The following SLC22A16 variants were observed in gnomAD, a reference collection of about 807,000 sequenced individuals.
SLC22A16 encodes solute carrier family 22 member 16, also known as WUGSC:RG331P03.1.
In SLC22A16, 53 loss-of-function variants were observed where a neutral mutation model predicts 52.9. The ratio of observed to expected loss-of-function variants is 1.00; its 90% CI spans 0.80 to 1.26. SLC22A16 has a LOEUF of 1.26. SLC22A16 is among the 50% of genes most tolerant of loss of function. The pLI, the probability that SLC22A16 is intolerant of heterozygous loss-of-function variation, is 0.00. For synonymous variants in SLC22A16, 291 were observed against 268.8 expected, an observed-to-expected ratio of 1.08 and a Z score of -0.81; for missense variants, 726 against 704.0, an observed-to-expected ratio of 1.03 and a Z score of -0.35.
At position 110,438,795 on chromosome 6, in the gene SLC22A16, G is replaced by A. The variant is rs138030296; in HGVS notation, c.1236C>T (p.Val412=). 435 of 1,614,114 alleles carry A rather than the reference G, an allele frequency of 2.7e-4. 3 individuals carry two copies. In the Middle Eastern group the frequency reaches 3.3e-3, roughly 12 times the overall value. Residue 412 remains valine, a synonymous_variant, in exon 5 of 8, where the codon GTC becomes GTT. Transcript: ENST00000368919. ...AGTAGGCCAGGACTGTTCTCCTCCC[G>A]ACCTTGTCCATGGCGATGCACACGA... is the stretch of plus-strand genomic sequence containing the variant. ...YTFVCIAMDK[V]GRRTVLAYSL... is the part of the protein sequence containing the mutation.
chr6:110,439,056 T>C (rs930046202), intron 4 of SLC22A16, among the ~76,000 whole-genome samples: 1 of 152,214 alleles, frequency 6.6e-6, no homozygotes, highest in Non-Finnish European at 1.5e-5. Context: ...TGAAATGCTC[T>C]AATGCTCATA....
intron 1 of SLC22A16, among the ~76,000 whole-genome samples, chr6:110,473,491 C>CTTTTTTTTT (rs763478181): frequency 2.8e-5 from 2 of 71,970 alleles, no homozygotes; most frequent in African/African-American, 9.9e-5. Flanking sequence ...CCTGTTTTCC[C>CTTTTTTTTT]TTTTTTTTTT....
At chr6:110,435,467 T>C (rs997604002) in intron 6 of SLC22A16, among the ~76,000 whole-genome samples, 3 of 152,098 alleles carry the variant, frequency 2.0e-5, no homozygotes, top group Admixed American at 1.3e-4. Context: ...AGAAAATAAA[T>C]TTCTATTGTT....
intron 4 of SLC22A16, among the ~76,000 whole-genome samples, chr6:110,441,286 T>C (rs1254970837): frequency 1.3e-5 from 2 of 152,188 alleles, no homozygotes; most frequent in Non-Finnish European, 1.5e-5. Context: ...AAAATTAAAG[T>C]TGAGCAAACT....
Position 110,425,089 on chromosome 6 carries a change from G to A in SLC22A16, c.1522-4C>T. The A allele has an allele frequency of 6.2e-7, 1 of 1,613,704 alleles. No individual in the cohort carries two copies. The stretch of plus-strand genomic sequence containing the variant: ...GGGCCATAGTCCCAACAAACAACTA[G>A]AAGGAATTAAAAATAATGATAAGTG... On this transcript the variant is annotated splice_region_variant and splice_polypyrimidine_tract_variant and intron_variant, in intron 7 of 7. Transcript: ENST00000368919.
At chr6:110,430,233 C>T (rs537330616) in intron 7 of SLC22A16, among the ~76,000 whole-genome samples, 4 of 152,030 alleles carry the variant, frequency 2.6e-5, no homozygotes, top group African/African-American at 9.6e-5. Flanking sequence ...GAAGCCGATG[C>T]CACAGTGTCA....
chr6:110,437,571 T>C (rs1366404369), intron 5 of SLC22A16, among the ~76,000 whole-genome samples: 1 of 152,244 alleles, frequency 6.6e-6, no homozygotes, highest in African/African-American at 2.4e-5. Context: ...AGGAAGACAC[T>C]TGTTAGCTTA....
At chr6:110,472,383 C>T (rs1776289858) in intron 1 of SLC22A16, among the ~76,000 whole-genome samples, 1 of 152,152 alleles carries the variant, frequency 6.6e-6, no homozygotes, top group Non-Finnish European at 1.5e-5. Context: ...CTCGCTGCCC[C>T]TCCAATCCAC....
chr6:110,462,429 A>G (rs1044351842), intron 1 of SLC22A16, among the ~76,000 whole-genome samples: 14 of 152,216 alleles, frequency 9.2e-5, no homozygotes, highest in African/African-American at 3.4e-4. Context: ...GATGCAAAAG[A>G]AAGCTGAAAA....
At chr6:110,447,819 G>A (rs564330019) in intron 2 of SLC22A16, among the ~76,000 whole-genome samples, 31 of 152,246 alleles carry the variant, frequency 2.0e-4, no homozygotes, top group African/African-American at 4.3e-4. Flanking sequence ...CTTCTTCTGC[G>A]TTGTAGCATG....
chr6:110,442,449 T>C lies in SLC22A16; in HGVS notation c.978A>G (p.Leu326=). ...TAACAGGACCTTGTAGGTCCAGTGA[T>C]AAAAGTTCTGACAGTTTACAGGAGC... is the stretch of plus-strand genomic sequence containing the variant. ...RASSCKLSEL[L]SLDLQGPVSN... Residue 326 remains leucine (L), a synonymous_variant, in exon 4 of 8, where the codon TTA becomes TTG. Transcript: ENST00000368919. 7 of 1,614,216 alleles carry C rather than the reference T, an allele frequency of 4.3e-6. No individual in the cohort carries two copies. Among genetic ancestry groups the C allele is most frequent in the Non-Finnish European group, 5.9e-6 (7 of 1,180,030 alleles).
intron 1 of SLC22A16, among the ~76,000 whole-genome samples, chr6:110,466,800 T>C (rs982672377): frequency 1.3e-5 from 2 of 152,116 alleles, no homozygotes; most frequent in African/African-American, 4.8e-5. Context: ...AAAGAAATCA[T>C]TATATCAAAA....
chr6:110,455,998 T>C (rs1242190536), intron 2 of SLC22A16: 3 of 152,448 alleles, frequency 2.0e-5, no homozygotes, highest in African/African-American at 7.2e-5. Flanking sequence ...AAATTTCTAT[T>C]GTTTGTGAAT....
At chr6:110,467,982 T>C (rs1465376207) in intron 1 of SLC22A16, among the ~76,000 whole-genome samples, 3 of 152,220 alleles carry the variant, frequency 2.0e-5, no homozygotes, top group Admixed American at 6.5e-5. Context: ...GTAGCCACCA[T>C]TCCTCACTTC....
At position 110,435,927 on chromosome 6, in the gene SLC22A16, A is replaced by C. The variant is rs374614775; in HGVS notation, c.1346T>G (p.Val449Gly). ...HYILGVVTAM[V>G]GKFAIGAAFG... The stretch of plus-strand genomic sequence containing the variant: ...TGCTGCCCCGATGGCAAATTTTCCA[A>C]CCATAGCTGTCACCACACCCAAAAT... Residue 449 changes from valine (V) to glycine (G), a missense_variant, in exon 6 of 8, where the codon GTT becomes GGT. Val to Gly is a moderately radical substitution (Grantham distance 109). Transcript: ENST00000368919. 9.3e-6 allele frequency: 15 copies of C among 1,614,134 alleles called. No homozygotes were observed. The highest frequency in any genetic ancestry group is 1.2e-5 in the Non-Finnish European group (14 of 1,179,970).
At chr6:110,467,222 A>T (rs955204498) in intron 1 of SLC22A16, among the ~76,000 whole-genome samples, 2 of 151,404 alleles carry the variant, frequency 1.3e-5, no homozygotes, top group African/African-American at 4.9e-5. Context: ...GCCGATTTTC[A>T]GTCTCTTTAT....
intron 2 of SLC22A16, among the ~76,000 whole-genome samples, chr6:110,447,622 C>T (rs1334250013): frequency 2.6e-5 from 4 of 152,128 alleles, no homozygotes; most frequent in Non-Finnish European, 2.9e-5. Context: ...ACGTTAATCA[C>T]TCCCAAAAGA....
Position 110,454,289 on chromosome 6 carries a change from C to G in SLC22A16, c.533+2249G>C, listed in dbSNP as rs549305301. On this transcript the variant is annotated intron_variant, in intron 2 of 7. Coordinates refer to ENST00000368919, the MANE Select transcript of SLC22A16 (RefSeq NM_033125.4). The stretch of plus-strand genomic sequence containing the variant: ...ATCCAGCAAGAAGTATAGAAGACTA[C>G]AAGAGGTGCAAGGAGGCTGTCTCTT... Among the ~76,000 whole-genome samples the G allele has an allele frequency of 1.8e-4, 27 of 152,108 alleles. No homozygotes were observed. The Middle Eastern group carries it at 0.024, about 134-fold the overall frequency.
At chr6:110,459,744 T>A (rs1301766506) in intron 1 of SLC22A16, among the ~76,000 whole-genome samples, 1 of 152,204 alleles carries the variant, frequency 6.6e-6, no homozygotes, top group Non-Finnish European at 1.5e-5. Context: ...ATGGGGACTC[T>A]GTACTATCTG....
Sources: gnomAD v4.1 joint callset for allele counts (sites outside exome capture counted in the v4.1 genomes callset) on GRCh38, gnomAD v4.1.1 for gene constraint, MANE v1.5 for transcripts, NCBI Gene and HGNC (gene_info 2026-07-23, HGNC 2026-07-21) for gene names.